The following CADM2 variants were observed in gnomAD, a reference collection of about 807,000 sequenced individuals.
CADM2 encodes cell adhesion molecule 2.
CADM2 carries 12 observed loss-of-function variants against 49.8 expected under a neutral mutation model. The ratio of observed to expected loss-of-function variants is 0.24; its 90% CI spans 0.15 to 0.39. The LOEUF is 0.39. Among genes scored for constraint, CADM2 ranks in the 10% least tolerant of loss-of-function variants. The pLI is 1.00. For missense variants in CADM2, 378 were observed against 492.3 expected, an observed-to-expected ratio of 0.77 and a Z score of 2.20; for synonymous variants, 214 against 175.4, an observed-to-expected ratio of 1.22 and a Z score of -1.74.
At chr3:85,105,302 T>C (rs1218117912) in intron 1 of CADM2, among the ~76,000 whole-genome samples, 1 of 152,060 alleles carries the variant, frequency 6.6e-6, no homozygotes. Flanking sequence ...AACAGACACT[T>C]CTCAAAAGAA....
chr3:85,666,623 A>T (rs1482806744), intron 1 of CADM2, among the ~76,000 whole-genome samples: 4 of 152,036 alleles, frequency 2.6e-5, no homozygotes, highest in African/African-American at 9.7e-5. Context: ...ATAAAAGGGT[A>T]TGACCTAATG....
intron 1 of CADM2, among the ~76,000 whole-genome samples, chr3:85,262,937 TATG>T (rs1430587399): frequency 2.2e-5 from 3 of 133,832 alleles, no homozygotes; most frequent in South Asian, 2.1e-4. Context: ...TATGTGTAAA[TATG>T]ATGTGTAAAT....
chr3:85,804,770 A>G (rs768129575), intron 3 of CADM2, among the ~76,000 whole-genome samples: 8 of 152,312 alleles, frequency 5.3e-5, no homozygotes, highest in East Asian at 1.9e-4. Flanking sequence ...GCAACTTGCC[A>G]TAAAAGATTT....
chr3:85,693,446 G>A (rs1480700506), intron 1 of CADM2, among the ~76,000 whole-genome samples: 1 of 151,182 alleles, frequency 6.6e-6, no homozygotes, highest in South Asian at 2.1e-4. Context: ...CGGGCGCAGT[G>A]GCGGGCGCCT....
intron 1 of CADM2, among the ~76,000 whole-genome samples, chr3:85,169,200 G>T (rs2040554864): frequency 1.3e-5 from 2 of 151,926 alleles, no homozygotes; most frequent in Non-Finnish European, 2.9e-5. Context: ...CACCAGGTTG[G>T]CAAGTCTAGT....
intron 8 of CADM2, among the ~76,000 whole-genome samples, chr3:85,997,059 C>T (rs1729519291): frequency 6.6e-6 from 1 of 152,184 alleles, no homozygotes; most frequent in African/African-American, 2.4e-5. Flanking sequence ...AACTACTTTG[C>T]TAAAATCTAT....
chr3:85,165,713 G>A (rs1389776047), intron 1 of CADM2, among the ~76,000 whole-genome samples: 1 of 151,764 alleles, frequency 6.6e-6, no homozygotes, highest in Non-Finnish European at 1.5e-5. Context: ...AAAAACAAAT[G>A]TGGGCAACAG....
chr3:85,051,583 G>A (rs1049554859), intron 1 of CADM2, among the ~76,000 whole-genome samples: 5 of 152,066 alleles, frequency 3.3e-5, no homozygotes, highest in African/African-American at 1.2e-4. Flanking sequence ...ACTACTAATG[G>A]TGGCATCACT....
intron 1 of CADM2, among the ~76,000 whole-genome samples, chr3:85,055,339 C>T (rs1193628291): frequency 2.0e-5 from 3 of 151,824 alleles, no homozygotes; most frequent in Non-Finnish European, 4.4e-5. Flanking sequence ...CAGTGTAGTC[C>T]GTGGAAACTT....
intron 1 of CADM2, among the ~76,000 whole-genome samples, chr3:85,344,560 C>A (rs748222814): frequency 2.0e-5 from 3 of 151,558 alleles, no homozygotes; most frequent in Non-Finnish European, 4.4e-5. Flanking sequence ...GAATGGAAGA[C>A]TTTCCAAATT....
At chr3:85,849,443 T>C (rs2075006771) in intron 3 of CADM2, among the ~76,000 whole-genome samples, 1 of 152,196 alleles carries the variant, frequency 6.6e-6, no homozygotes, top group Non-Finnish European at 1.5e-5. Flanking sequence ...ACCACCATTC[T>C]TTTCTCTTGT....
chr3:85,198,156 C>T (rs1394544929), intron 1 of CADM2, among the ~76,000 whole-genome samples: 6 of 151,664 alleles, frequency 4.0e-5, no homozygotes. Context: ...AACAAATTGG[C>T]CTAATTAACA....
intron 1 of CADM2, among the ~76,000 whole-genome samples, chr3:85,669,645 A>C (rs2065677037): frequency 6.6e-6 from 1 of 152,104 alleles, no homozygotes; most frequent in Non-Finnish European, 1.5e-5. Context: ...CAACCATAAT[A>C]CTTTTGTAAA....
At chr3:85,178,483 T>C (rs1399408178) in intron 1 of CADM2, among the ~76,000 whole-genome samples, 3 of 151,890 alleles carry the variant, frequency 2.0e-5, no homozygotes, top group East Asian at 3.9e-4. Flanking sequence ...AAGTACACTG[T>C]ACTGTTTGTA....
chr3:85,035,357 C>T (rs2171143), intron 1 of CADM2, among the ~76,000 whole-genome samples: 38,691 of 152,022 alleles, frequency 0.25, 5,987 homozygotes, highest in Non-Finnish European at 0.35. Flanking sequence ...ATTATTTTCT[C>T]CCATTCCGCT....
At chr3:85,322,972 C>A (rs554299536) in intron 1 of CADM2, among the ~76,000 whole-genome samples, 34 of 152,228 alleles carry the variant, frequency 2.2e-4, no homozygotes, top group South Asian at 1.5e-3. Context: ...TTTCATTATT[C>A]TTTTATTGTG....
chr3:85,705,026 ATTTT>A (rs35077990), intron 1 of CADM2, among the ~76,000 whole-genome samples: 1 of 131,880 alleles, frequency 7.6e-6, no homozygotes, highest in Non-Finnish European at 1.6e-5. Flanking sequence ...GCCTGGCTAA[ATTTT>A]TTTTTTTTTT....
chr3:85,639,492 G>A (rs1222044866), intron 1 of CADM2, among the ~76,000 whole-genome samples: 1 of 152,104 alleles, frequency 6.6e-6, no homozygotes, highest in Non-Finnish European at 1.5e-5. Flanking sequence ...CAGGTATTAA[G>A]TTCAGTCAAC....
At chr3:85,987,478 A>G (rs1728248902) in intron 8 of CADM2, among the ~76,000 whole-genome samples, 1 of 151,078 alleles carries the variant, frequency 6.6e-6, no homozygotes, top group Admixed American at 6.6e-5. Flanking sequence ...GATTTAATAT[A>G]ATCTAACAGT....
Sources: gnomAD v4.1 joint callset for allele counts (sites outside exome capture counted in the v4.1 genomes callset) on GRCh38, gnomAD v4.1.1 for gene constraint, MANE v1.5 for transcripts, NCBI Gene and HGNC (gene_info 2026-07-23, HGNC 2026-07-21) for gene names.